The following SFXN4 variants were observed in gnomAD, a reference collection of about 807,000 sequenced individuals.
SFXN4 encodes the protein sideroflexin-4.
Under a neutral mutation model 54.6 loss-of-function variants are expected in SFXN4, and 48 were observed. The ratio of observed to expected loss-of-function variants is 0.88; its 90% CI spans 0.70 to 1.12. The LOEUF is 1.12. Ranked by LOEUF, SFXN4 falls within the 50% of genes most tolerant of loss-of-function variation. SFXN4 has a pLI of 0.00. For missense variants in SFXN4, 383 were observed against 409.2 expected (o/e 0.94, Z 0.55); for synonymous variants, 130 against 145.5 (o/e 0.89, Z 0.77).
Position 119,165,575 on chromosome 10 carries a change from T to G in SFXN4, c.73A>C (p.Ile25Leu). 4 of 1,593,606 alleles carry G rather than the reference T, an allele frequency of 2.5e-6. No homozygotes were observed. The highest frequency in any genetic ancestry group is 1.1e-5 in the South Asian group (1 of 90,404). Reference sequence around the variant, plus strand: ...ATCCAGAAGCGCACGTTGGGCTCAATGAAGGCGGGGACGGCGTCTCTGCGT... The same window carrying G: ...ATCCAGAAGCGCACGTTGGGCTCAAGGAAGGCGGGGACGGCGTCTCTGCGT... ...LGRRDAVPAF[I>L]EPNVRFWITE... Residue 25 changes from isoleucine to leucine, a missense_variant, in exon 1 of 14, where the codon ATT (isoleucine) becomes CTT (leucine). By Grantham distance (5) the Ile-to-Leu change is conservative. Coordinates refer to ENST00000355697, the MANE Select transcript of SFXN4 (RefSeq NM_213649.2).
intron 11 of SFXN4, among the ~76,000 whole-genome samples, chr10:119,152,823 C>A (rs544881411): frequency 6.6e-6 from 1 of 152,134 alleles, no homozygotes; most frequent in Non-Finnish European, 1.5e-5. Context: ...CTGCCACCAA[C>A]ATGCTGGTCA....
chr10:119,163,995 G>A (rs1258024057), intron 2 of SFXN4, 136 bp downstream of exon 2: 8 of 620,856 alleles, frequency 1.3e-5, no homozygotes, highest in Admixed American at 3.1e-5. Context: ...AGCCGAGATG[G>A]TGCCACTGCA....
chr10:119,156,092 G>A (rs1564822616), intron 10 of SFXN4, among the ~76,000 whole-genome samples: 1 of 152,120 alleles, frequency 6.6e-6, no homozygotes, highest in Non-Finnish European at 1.5e-5. Context: ...TCGGGATTAA[G>A]TAAAATAATG....
chr10:119,159,227 C>A (rs1847412580), intron 6 of SFXN4, among the ~76,000 whole-genome samples: 1 of 152,098 alleles, frequency 6.6e-6, no homozygotes, highest in South Asian at 2.1e-4. Flanking sequence ...TTGCAGCGAG[C>A]TGAGATTGCG....
In SFXN4 at chr10:119,160,472, T is replaced by A. The variant is rs1053871260; in HGVS notation, c.334+443A>T. Among the ~76,000 whole-genome samples the A allele has an allele frequency of 4.1e-5, 6 of 144,972 alleles. No individual in the cohort carries two copies. In the Admixed American group the frequency reaches 4.3e-4, roughly 10 times the overall value. On this transcript the variant is annotated intron_variant, in intron 5 of 13. Coordinates refer to ENST00000355697, the MANE Select transcript of SFXN4 (RefSeq NM_213649.2). ...CGGAGGTTGTAGTGAGCCGAGATTGTGCCACTGAACTCCAGCCTAGGTGAC... is the reference window on the plus strand; with the variant it reads ...CGGAGGTTGTAGTGAGCCGAGATTGAGCCACTGAACTCCAGCCTAGGTGAC...
At chr10:119,158,811 A>T (rs1353529314) in intron 6 of SFXN4, among the ~76,000 whole-genome samples, 1 of 151,924 alleles carries the variant, frequency 6.6e-6, no homozygotes, top group Non-Finnish European at 1.5e-5. Context: ...AGCAAGACTC[A>T]GACTCTGGTA....
chr10:119,142,876 C>G (rs958340438), intron 13 of SFXN4, among the ~76,000 whole-genome samples: 1 of 151,924 alleles, frequency 6.6e-6, no homozygotes, highest in Non-Finnish European at 1.5e-5. Context: ...GGATTACAGG[C>G]GCCTGCCACC....
chr10:119,141,464 AT>A lies in SFXN4; in HGVS notation c.937-146del, dbSNP rs34287145. 0.19 allele frequency: 62,695 copies of A among 322,480 alleles called. 5,692 individuals carry two copies. Among genetic ancestry groups the A allele is most frequent in the African/African-American group, 0.33 (13,831 of 42,284 alleles). The allele number at this position is 322,480 out of a possible 1,614,324, so 20.0% of individuals were successfully genotyped here. On this transcript the variant is annotated intron_variant, in intron 13 of 13. Coordinates refer to ENST00000355697, the MANE Select transcript of SFXN4 (RefSeq NM_213649.2). ...TAATCTATAGCAGAAAATGTAACCT[AT>A]TTTTTTTTTTAATCACCCAAGCAGT...
intron 3 of SFXN4, among the ~76,000 whole-genome samples, chr10:119,161,628 C>T (rs1295694555): frequency 1.3e-5 from 2 of 152,076 alleles, no homozygotes; most frequent in Non-Finnish European, 2.9e-5. Context: ...AGCAAAGAGA[C>T]GAGCCACACA....
chr10:119,144,238 C>T (rs953868846), intron 13 of SFXN4, among the ~76,000 whole-genome samples: 5 of 152,102 alleles, frequency 3.3e-5, no homozygotes, highest in South Asian at 2.1e-4. Flanking sequence ...GGGCGGATCA[C>T]GAGGTCAGGA....
intron 13 of SFXN4, 119 bp from the exon 14 acceptor site, chr10:119,141,438 C>A: frequency 2.0e-6 from 1 of 504,116 alleles, no homozygotes. Flanking sequence ...TCAATAATGT[C>A]TAATCTATAG....
intron 8 of SFXN4, 33 bp from the exon 9 acceptor site, chr10:119,157,766 T>C: frequency 6.2e-7 from 1 of 1,603,934 alleles, no homozygotes; most frequent in Non-Finnish European, 8.5e-7. Flanking sequence ...AATTAGCAAA[T>C]ATCACAGTTT....
chr10:119,163,297 C>A lies in SFXN4; in HGVS notation c.177+834G>T, dbSNP rs1370936600. 2.6e-5 allele frequency among the ~76,000 whole-genome samples: 4 copies of A among 151,618 alleles called. No individual in the cohort carries two copies. The East Asian group carries it at 7.7e-4, about 29-fold the overall frequency. ...CCAGGATGTGACCAGTTTAGCCAGT[C>A]TGTCCTCCATCACGTGGAAGATTTG... On this transcript the variant is annotated intron_variant, in intron 2 of 13. Coordinates refer to ENST00000355697, the MANE Select transcript of SFXN4 (RefSeq NM_213649.2).
chr10:119,156,601 C>T, intron 10 of SFXN4, 77 bp downstream of exon 10: 1 of 1,137,292 alleles, frequency 8.8e-7, no homozygotes, highest in African/African-American at 1.5e-5. Context: ...GAGCCAGGTG[C>T]CTCTGGAGAT....
Position 119,165,522 on chromosome 10 carries a change from G to C in SFXN4, c.111+15C>G. 5 of 1,570,336 alleles carry C rather than the reference G, an allele frequency of 3.2e-6. No homozygotes were observed. The highest frequency in any genetic ancestry group is 4.3e-6 in the Non-Finnish European group (5 of 1,164,368). Reference sequence around the variant, plus strand: ...CCCCCTCCCTGCCCCTAGTCGCGCCGGGCCCGGGCCGTACTTGGCGCTCGG... The same window carrying C: ...CCCCCTCCCTGCCCCTAGTCGCGCCCGGCCCGGGCCGTACTTGGCGCTCGG... On this transcript the variant is annotated intron_variant, in intron 1 of 13. Transcript: ENST00000355697.
intron 13 of SFXN4, 98 bp from the exon 14 acceptor site, chr10:119,141,417 G>T: frequency 1.6e-6 from 1 of 627,914 alleles, no homozygotes; most frequent in East Asian, 3.3e-5. Context: ...CCATTTCACA[G>T]TCCATCTTTT....
intron 11 of SFXN4, 111 bp from the exon 12 acceptor site, chr10:119,147,971 G>A (rs1189240413): frequency 4.0e-6 from 3 of 751,732 alleles, no homozygotes; most frequent in African/African-American, 1.7e-5. Context: ...AGTAGTTTGA[G>A]ACCAGCCTGG....
chr10:119,147,933 G>A, intron 11 of SFXN4, 73 bp from the exon 12 acceptor site: 1 of 1,200,824 alleles, frequency 8.3e-7, no homozygotes. Context: ...CACTTTGGGA[G>A]GCCGAGGCGG....
At chr10:119,164,258 T>C in intron 1 of SFXN4, 62 bp from the exon 2 acceptor site, 4 of 774,062 alleles carry the variant, frequency 5.2e-6, no homozygotes, top group Non-Finnish European at 6.3e-6. Context: ...ATATAAATAC[T>C]AACAGTTGGC....
Sources: allele counts gnomAD v4.1 joint callset (sites outside exome capture counted in the v4.1 genomes callset), GRCh38; gene constraint gnomAD v4.1.1; transcripts MANE v1.5; gene names NCBI Gene and HGNC (gene_info 2026-07-23, HGNC 2026-07-21).